Variants in GOLGA4 observed in about 807,000 individuals in gnomAD.
GOLGA4 encodes the protein golgin subfamily A member 4.
GOLGA4 carries 169 observed loss-of-function variants against 265.9 expected under a neutral mutation model. The ratio of observed to expected loss-of-function variants is 0.64; its 90% confidence interval spans 0.56 to 0.72. The LOEUF is 0.72. GOLGA4 is among the 30% of genes least tolerant of loss of function. The pLI, the probability that GOLGA4 is intolerant of heterozygous loss-of-function variation, is 0.00. For missense variants in GOLGA4, 2,482 were observed against 2,483.4 expected, an observed-to-expected ratio of 1.00 and a Z score of 0.01; for synonymous variants, 923 against 855.8, an observed-to-expected ratio of 1.08 and a Z score of -1.37.
At chr3:37,271,189 C>G (rs554432790) in intron 2 of GOLGA4, among the ~76,000 whole-genome samples, 3 of 152,014 alleles carry the variant, frequency 2.0e-5, no homozygotes, top group African/African-American at 7.2e-5. Context: ...TGTGTGGCCC[C>G]GTTCCTAACA....
chr3:37,257,532 T>C (rs1343598226), intron 2 of GOLGA4, among the ~76,000 whole-genome samples: 1 of 152,080 alleles, frequency 6.6e-6, no homozygotes, highest in Non-Finnish European at 1.5e-5. Context: ...TGTGGTACCT[T>C]GCACGTAGTA....
At position 37,327,514 on chromosome 3, in the gene GOLGA4, G is replaced by C. The variant is rs1021207787; in HGVS notation, c.5628G>C (p.Glu1876Asp). Residue 1876 changes from glutamate (E) to aspartate (D), a missense_variant, in exon 14 of 24, where the codon GAG becomes GAC. Physicochemically the swap from Glu to Asp is conservative, Grantham distance 45. Transcript: ENST00000361924. ...QKEVHRVEME[E>D]LTSKYEKLQA... ...AAGTACATAGAGTTGAAATGGAAGA[G>C]TTGACCTCAAAATATGAAAAATTAC... 1 of 1,613,034 alleles carries C rather than the reference G, an allele frequency of 6.2e-7. No individual in the cohort carries two copies.
rs774333345 is a variant in GOLGA4, at chr3:37,335,036, T to A, written c.6193-17T>A. The A allele has an allele frequency of 6.2e-6, 9 of 1,455,154 alleles. No homozygotes were observed. In the East Asian group the frequency reaches 2.1e-4, roughly 33 times the overall value. 90.1% of individuals were successfully genotyped at this position (1,455,154 alleles called of 1,614,324 possible). A position where few individuals can be genotyped will look rare whatever the true frequency, so the allele number is the denominator to read the frequency against. On this transcript the variant is annotated splice_polypyrimidine_tract_variant and intron_variant, in intron 16 of 23. Transcript: ENST00000361924. ...TTTTTTTCTTTTCCTTTTTTTCTTT[T>A]TTTTTAAATCCTAAAGGCTCGTGAA...
intron 20 of GOLGA4, among the ~76,000 whole-genome samples, chr3:37,342,138 T>C (rs1220550450): frequency 6.6e-6 from 1 of 151,806 alleles, no homozygotes; most frequent in Non-Finnish European, 1.5e-5. Context: ...AGGCCGGGAG[T>C]TTGAGACCAG....
intron 22 of GOLGA4, among the ~76,000 whole-genome samples, chr3:37,359,651 TC>T (rs2097099389): frequency 6.6e-6 from 1 of 152,198 alleles, no homozygotes; most frequent in Non-Finnish European, 1.5e-5. Flanking sequence ...TGTATATAGT[TC>T]TTCATCAGTC....
At chr3:37,246,774 T>C (rs1305384362) in intron 1 of GOLGA4, among the ~76,000 whole-genome samples, 3 of 152,242 alleles carry the variant, frequency 2.0e-5, no homozygotes, top group Non-Finnish European at 2.9e-5. Flanking sequence ...TTTTATGTTA[T>C]GTATATTTTT....
intron 2 of GOLGA4, among the ~76,000 whole-genome samples, chr3:37,277,659 T>C (rs1442193310): frequency 6.6e-6 from 1 of 152,222 alleles, no homozygotes; most frequent in African/African-American, 2.4e-5. Context: ...ATATATGGGC[T>C]ATAGCAAGTA....
Position 37,282,193 on chromosome 3 carries a change from G to A in GOLGA4, c.398G>A (p.Ser133Asn). 4 of 1,614,164 alleles carry A rather than the reference G, an allele frequency of 2.5e-6. No individual in the cohort carries two copies. Among genetic ancestry groups the A allele is most frequent in the South Asian group, 1.1e-5 (1 of 91,090 alleles). Residue 133 changes from serine (S) to asparagine (N), a missense_variant, in exon 3 of 24, where the codon AGT becomes AAT. Transcript: ENST00000361924. ...GAAGACTTGGTAGGGAATTCAGACA[G>A]TCTCAACAAAGAACAGTTGATTCAG... is the stretch of plus-strand genomic sequence containing the variant. ...EAEDLVGNSDSLNKEQLIQRL... is the reference protein window; with the variant it reads ...EAEDLVGNSDNLNKEQLIQRL...
chr3:37,251,610 A>G (rs1215095477), intron 2 of GOLGA4, 126 bp downstream of exon 2: 1 of 584,770 alleles, frequency 1.7e-6, no homozygotes, highest in African/African-American at 2.0e-5. Context: ...AGTTTTTATT[A>G]GTAACACAAT....
intron 20 of GOLGA4, among the ~76,000 whole-genome samples, chr3:37,343,398 G>A (rs981571730): frequency 4.6e-5 from 7 of 152,116 alleles, no homozygotes; most frequent in African/African-American, 1.7e-4. Flanking sequence ...TGGGATTACA[G>A]ACGTGAGCCA....
chr3:37,286,406 G>C (rs1361957743), intron 4 of GOLGA4, among the ~76,000 whole-genome samples: 1 of 152,018 alleles, frequency 6.6e-6, no homozygotes, highest in Admixed American at 6.6e-5. Flanking sequence ...ACCCGCCTCG[G>C]CCTCCCAAAG....
At position 37,282,075 on chromosome 3, in the gene GOLGA4, G is replaced by C. The variant is rs1287738945; in HGVS notation, c.280G>C (p.Val94Leu). The C allele has an allele frequency of 6.2e-7, 1 of 1,613,982 alleles. No homozygotes were observed. The highest frequency in any genetic ancestry group is 1.3e-5 in the African/African-American group (1 of 74,920). The change falls in exon 3 of 24, where the codon GTA becomes CTA. Residue 94 changes from valine (V) to leucine (L), a missense_variant. By Grantham distance (32) the Val-to-Leu change is conservative. Around this residue, in one of 3 missense-constraint regions of GOLGA4, gnomAD observed 1,536 missense variants for 1,483.7 expected, o/e 1.04. Transcript: ENST00000361924. ...CCGGTCTTCTTCTAAAGAGTCTTTG[G>C]TACGAACATCTTCCAGAGAATCCCT... ...LFRSSSKESLVRTSSRESLNR... is the reference protein window; with the variant it reads ...LFRSSSKESLLRTSSRESLNR...
At position 37,255,390 on chromosome 3, in the gene GOLGA4, C is replaced by A. The variant is rs1002369895; in HGVS notation, c.162+3906C>A. Reference sequence around the variant, plus strand: ...GTTGGCCAGGCTGGTCTTGAACTCCCGACCTCAGGTGATCCATCCGCCTCG... The same window carrying A: ...GTTGGCCAGGCTGGTCTTGAACTCCAGACCTCAGGTGATCCATCCGCCTCG... On this transcript the variant is annotated intron_variant, in intron 2 of 23. Coordinates refer to ENST00000361924, the MANE Select transcript of GOLGA4 (RefSeq NM_002078.5). Among the ~76,000 whole-genome samples the A allele has an allele frequency of 1.1e-4, 16 of 152,056 alleles. No individual in the cohort carries two copies. The South Asian group carries it at 2.9e-3, about 28-fold the overall frequency.
intron 8 of GOLGA4, 79 bp downstream of exon 8, chr3:37,299,099 C>A: frequency 8.0e-7 from 1 of 1,249,802 alleles, no homozygotes; most frequent in Non-Finnish European, 1.1e-6. Context: ...CTTGTACCTC[C>A]GGGAGAGGAG....
chr3:37,289,393 T>TTAGTATA, intron 5 of GOLGA4, 102 bp downstream of exon 5: 6 of 692,856 alleles, frequency 8.7e-6, no homozygotes, highest in Non-Finnish European at 1.5e-5. Flanking sequence ...TCATTAGTTA[T>TTAGTATA]ACTAATAACT....
At chr3:37,365,901 G>A (rs984990426) in intron 23 of GOLGA4, among the ~76,000 whole-genome samples, 179 bp from the exon 24 acceptor site, 1 of 151,184 alleles carries the variant, frequency 6.6e-6, no homozygotes, top group Admixed American at 6.6e-5. Context: ...TCAAAGTGCT[G>A]GGATTACAGT....
intron 1 of GOLGA4, 56 bp downstream of exon 1, chr3:37,243,678 C>T (rs938220892): frequency 4.9e-6 from 7 of 1,426,368 alleles, no homozygotes; most frequent in African/African-American, 2.8e-5. Context: ...AACCGGCCCG[C>T]GGACGAAAGA....
At chr3:37,328,131 T>C (rs1332456500) in intron 14 of GOLGA4, among the ~76,000 whole-genome samples, 1 of 151,876 alleles carries the variant, frequency 6.6e-6, no homozygotes, top group Non-Finnish European at 1.5e-5. Context: ...ATTATTATTA[T>C]ATAACATAGA....
chr3:37,268,497 A>G (rs182697701), intron 2 of GOLGA4, among the ~76,000 whole-genome samples: 51 of 152,132 alleles, frequency 3.4e-4, no homozygotes, highest in Non-Finnish European at 5.7e-4. Context: ...CCATAAGTAC[A>G]TTAAAGTCAT....
Sources: allele counts gnomAD v4.1 joint callset (sites outside exome capture counted in the v4.1 genomes callset), GRCh38; gene constraint gnomAD v4.1.1; regional missense constraint gnomAD v4.1.1; transcripts MANE v1.5; gene names NCBI Gene and HGNC (gene_info 2026-07-23, HGNC 2026-07-21).